Variants in RBFOX3 observed in about 807,000 individuals in gnomAD.
RBFOX3 encodes RNA binding fox-1 homolog 3, also known as RNA binding protein fox-1 homolog 3.
A neutral mutation model predicts 48.7 loss-of-function variants in RBFOX3; 17 were observed. That is an observed-to-expected ratio of 0.35 (90% CI 0.24 to 0.52). The LOEUF (loss-of-function observed/expected upper bound fraction) is 0.52, where lower values mean the gene tolerates loss of function less well. RBFOX3 is among the 20% of genes least tolerant of loss of function. The pLI is 0.94. For synonymous variants in RBFOX3, 212 were observed against 209.5 expected (o/e 1.01, Z -0.10); for missense variants, 382 against 497.5 (o/e 0.77, Z 2.21).
chr17:79,315,056 G>T (rs901793650), intron 2 of RBFOX3, among the ~76,000 whole-genome samples: 1 of 152,090 alleles, frequency 6.6e-6, no homozygotes, highest in Non-Finnish European at 1.5e-5. Flanking sequence ...TTGATGGCCC[G>T]CTGCAGGAGT....
At chr17:79,562,472 G>C (rs2092280859) in intron 1 of RBFOX3, among the ~76,000 whole-genome samples, 1 of 152,204 alleles carries the variant, frequency 6.6e-6, no homozygotes, top group Admixed American at 6.5e-5. Flanking sequence ...TTTACTGCTT[G>C]ATGGTCAGAG....
rs924946623 is a variant in RBFOX3 at position 79,582,244 on chromosome 17, A to G, written c.-320+28582T>C. ...TGTGTATGCATGCATGTGCCTGCCC[A>G]TGTATGTGCCTGTGTATGCATGCAT... On this transcript the variant is annotated intron_variant, in intron 1 of 14. Coordinates refer to ENST00000693108, the MANE Select transcript of RBFOX3 (RefSeq NM_001350451.2). 7.5e-4 allele frequency among the ~76,000 whole-genome samples: 105 copies of G among 140,910 alleles called. 3 individuals carry two copies. The South Asian group carries it at 0.012, about 17-fold the overall frequency. The allele number at this position is 140,910 out of a possible 152,430, so 92.4% of individuals were successfully genotyped here.
At chr17:79,516,742 CTG>C (rs1452594736) in intron 1 of RBFOX3, among the ~76,000 whole-genome samples, 8 of 152,246 alleles carry the variant, frequency 5.3e-5, no homozygotes, top group African/African-American at 1.7e-4. Context: ...GAGCAACACA[CTG>C]TGCATGGATG....
intron 3 of RBFOX3, among the ~76,000 whole-genome samples, chr17:79,248,715 G>A (rs78608697): frequency 3.9e-5 from 6 of 152,178 alleles, no homozygotes; most frequent in Non-Finnish European, 8.8e-5. Context: ...CTATCGGGGG[G>A]TGCTTGTATC....
chr17:79,170,327 C>T (rs1325546884), intron 4 of RBFOX3, among the ~76,000 whole-genome samples: 11 of 152,032 alleles, frequency 7.2e-5, no homozygotes, highest in Non-Finnish European at 4.4e-5. Context: ...TCCTGCCAAA[C>T]GGGCCAGAGG....
At position 79,477,676 on chromosome 17, in the gene RBFOX3, G is replaced by C. The variant is rs965711778; in HGVS notation, c.-175+4778C>G. 3.9e-5 allele frequency among the ~76,000 whole-genome samples: 6 copies of C among 152,182 alleles called. No individual in the cohort carries two copies. Among genetic ancestry groups the C allele is most frequent in the Non-Finnish European group, 8.8e-5 (6 of 68,028 alleles). On this transcript the variant is annotated intron_variant, in intron 2 of 14. Coordinates refer to ENST00000693108, the MANE Select transcript of RBFOX3 (RefSeq NM_001350451.2). The surrounding 1 kb of genome is among the most constrained non-coding windows in gnomAD (Gnocchi z 4.8). ...CAGGGACATCCTCAGAGCTTGCTCT[G>C]GTGGTGAACAAGCAAAGGGGCAGGG...
intron 2 of RBFOX3, among the ~76,000 whole-genome samples, chr17:79,414,500 C>T (rs918345503): frequency 6.6e-6 from 1 of 152,204 alleles, no homozygotes; most frequent in Non-Finnish European, 1.5e-5. Flanking sequence ...TGTGTCCAGG[C>T]CCCAGGGCGA....
At chr17:79,100,019 G>C (rs1378111128) in intron 9 of RBFOX3, 2 of 152,300 alleles carry the variant, frequency 1.3e-5, no homozygotes, top group African/African-American at 4.8e-5. Context: ...CTGATGAAGA[G>C]ATTGAGATGA....
At chr17:79,264,281 G>C (rs894296490) in intron 3 of RBFOX3, among the ~76,000 whole-genome samples, 1 of 151,842 alleles carries the variant, frequency 6.6e-6, no homozygotes, top group Non-Finnish European at 1.5e-5. Context: ...TCACCATGTT[G>C]ACCAGGCTGG....
At chr17:79,307,621 C>T (rs1157201782) in intron 3 of RBFOX3, 103 bp downstream of exon 3, 8 of 153,830 alleles carry the variant, frequency 5.2e-5, no homozygotes, top group Non-Finnish European at 2.9e-5. Context: ...CCTCACGCAT[C>T]GTTCCCCATG....
intron 4 of RBFOX3, among the ~76,000 whole-genome samples, chr17:79,216,352 G>T (rs1413845462): frequency 6.6e-6 from 1 of 152,244 alleles, no homozygotes; most frequent in Non-Finnish European, 1.5e-5. Context: ...GGAAGAAGGT[G>T]GAGACCATGG....
intron 2 of RBFOX3, among the ~76,000 whole-genome samples, chr17:79,407,192 G>C (rs1192109066): frequency 2.0e-5 from 3 of 152,220 alleles, no homozygotes; most frequent in Admixed American, 1.3e-4. Flanking sequence ...ATTTTTAGTA[G>C]AGACGGGGTT....
At chr17:79,609,342 C>G (rs1209088178) in intron 1 of RBFOX3, among the ~76,000 whole-genome samples, 2 of 152,098 alleles carry the variant, frequency 1.3e-5, no homozygotes, top group Non-Finnish European at 1.5e-5. Flanking sequence ...GTCCCCGAGT[C>G]CAACCTGCGT....
chr17:79,563,322 C>T (rs1392944157), intron 1 of RBFOX3, among the ~76,000 whole-genome samples: 2 of 152,202 alleles, frequency 1.3e-5, no homozygotes, highest in Admixed American at 6.5e-5. Flanking sequence ...TCAGACTGTC[C>T]CTTCAGAGAC....
chr17:79,496,730 C>A (rs2081593263), intron 1 of RBFOX3, among the ~76,000 whole-genome samples: 2 of 152,148 alleles, frequency 1.3e-5, no homozygotes. Context: ...ACGGCCCTTA[C>A]CCCACCCTTT....
intron 2 of RBFOX3, among the ~76,000 whole-genome samples, chr17:79,450,339 C>G (rs1297823371): frequency 2.6e-5 from 4 of 152,156 alleles, no homozygotes; most frequent in African/African-American, 9.7e-5. Flanking sequence ...GCTACTTTGG[C>G]AGTAGGAAGA....
Position 79,103,311 on chromosome 17 carries a change from G to T in RBFOX3, c.415-57C>A. The T allele has an allele frequency of 8.3e-7, 1 of 1,203,800 alleles. No individual in the cohort carries two copies. The highest frequency in any genetic ancestry group is 1.2e-6 in the Non-Finnish European group (1 of 832,016). The allele number at this position is 1,203,800 out of a possible 1,614,324, so 74.6% of individuals were successfully genotyped here. A position where few individuals can be genotyped will look rare whatever the true frequency, so the allele number is the denominator to read the frequency against. ...GGAGAGGAGGACACAGGGCGAGAAAGAGGAGGAAGACGAGGAAGAAGAGGA... is the reference window on the plus strand; with the variant it reads ...GGAGAGGAGGACACAGGGCGAGAAATAGGAGGAAGACGAGGAAGAAGAGGA... On this transcript the variant is annotated intron_variant, in intron 7 of 14. Coordinates refer to ENST00000693108, the MANE Select transcript of RBFOX3 (RefSeq NM_001350451.2). The surrounding 1 kb of genome is among the most constrained non-coding windows in gnomAD (Gnocchi z 6.1).
chr17:79,514,642 G>A (rs1425454733), intron 1 of RBFOX3, among the ~76,000 whole-genome samples: 1 of 152,170 alleles, frequency 6.6e-6, no homozygotes, highest in Non-Finnish European at 1.5e-5. Context: ...CACCCCTAGT[G>A]TCCCTCAGCA....
rs9894093 is a variant in RBFOX3, at chr17:79,589,917, T to C, written c.-320+20909A>G. Among the ~76,000 whole-genome samples the C allele has an allele frequency of 6.4e-3, 970 of 152,252 alleles. 5 individuals are homozygous for C. The highest frequency in any genetic ancestry group is 0.022 in the African/African-American group (924 of 41,532). Reference sequence around the variant, plus strand: ...CGGATGTGCCTCAGTGCGAGGTTTATATAAAATGACAGATTCTGGAAAATG... The same window carrying C: ...CGGATGTGCCTCAGTGCGAGGTTTACATAAAATGACAGATTCTGGAAAATG... On this transcript the variant is annotated intron_variant, in intron 1 of 14. Transcript: ENST00000693108.
Sources: allele counts gnomAD v4.1 joint callset (sites outside exome capture counted in the v4.1 genomes callset), GRCh38; gene constraint gnomAD v4.1.1; non-coding constraint Gnocchi (gnomAD v3.1); transcripts MANE v1.5; gene names NCBI Gene and HGNC (gene_info 2026-07-23, HGNC 2026-07-21).